ROS1: variants seen among roughly 807,000 people sequenced by gnomAD.
The protein encoded by ROS1 is ROS proto-oncogene 1, receptor tyrosine kinase, also known as proto-oncogene tyrosine-protein kinase ROS.
In ROS1, 263 loss-of-function variants were observed where a neutral mutation model predicts 273.5. The ratio of observed to expected loss-of-function variants is 0.96; its 90% CI spans 0.87 to 1.06. The LOEUF is 1.06. Ranked by LOEUF, ROS1 falls within the 50% of genes least tolerant of loss-of-function variation. The probability of loss-of-function intolerance (pLI) is 0.00; values close to 1 mark genes in which losing one functional copy is unlikely to be tolerated. For missense variants in ROS1, 2,833 were observed against 2,751.1 expected, an observed-to-expected ratio of 1.03 and a Z score of -0.67; for synonymous variants, 1,008 against 954.1, an observed-to-expected ratio of 1.06 and a Z score of -1.04.
At chr6:117,299,338 C>T (rs1487506464) in intron 43 of ROS1, 2 of 152,190 alleles carry the variant, frequency 1.3e-5, no homozygotes, top group Non-Finnish European at 2.9e-5. Flanking sequence ...TGCTATTAGT[C>T]AAGTGCATCA....
In ROS1 at chr6:117,365,173, A is replaced by G. The variant is rs770304963; in HGVS notation, c.2990T>C (p.Val997Ala). ...AGGTTCCAGTCCTTCCACAGTAAAT[A>G]CAGGTAAAGAGTGTTGTTCACTAGC... ...FLASEQHSLP[V>A]FTVEGLEPYA... The change falls in exon 21 of 44, where the codon GTA becomes GCA. Residue 997 changes from valine (V) to alanine (A), a missense_variant. Physicochemically the swap from Val to Ala is moderately conservative, Grantham distance 64 (BLOSUM62 0). Transcript: ENST00000368507. 9 of 1,612,144 alleles carry G rather than the reference A, an allele frequency of 5.6e-6. No individual in the cohort carries two copies. The East Asian group carries it at 2.0e-4, about 36-fold the overall frequency.
intron 7 of ROS1, among the ~76,000 whole-genome samples, chr6:117,399,877 T>C (rs1040682856): frequency 1.3e-4 from 20 of 152,244 alleles, no homozygotes; most frequent in African/African-American, 4.6e-4. Flanking sequence ...ACTCATTCTC[T>C]CAATCTATTC....
intron 43 of ROS1, 21 bp downstream of exon 43, chr6:117,300,953 A>G (rs1431025106): frequency 2.6e-6 from 4 of 1,532,930 alleles, no homozygotes; most frequent in Non-Finnish European, 3.5e-6. Flanking sequence ...AAACTAGAAA[A>G]TTCTGAAGAA....
chr6:117,366,014 C>T (rs1780191799), intron 19 of ROS1, 62 bp downstream of exon 19: 1 of 1,352,632 alleles, frequency 7.4e-7, no homozygotes, highest in Non-Finnish European at 1.0e-6. Context: ...AATATCCCAA[C>T]CTAAACATTT....
chr6:117,315,591 T>A (rs994497547), intron 39 of ROS1, among the ~76,000 whole-genome samples: 1 of 152,104 alleles, frequency 6.6e-6, no homozygotes, highest in African/African-American at 2.4e-5. Context: ...GTTTTCAACC[T>A]AAAAGTCCAA....
Position 117,401,026 on chromosome 6 carries a change from G to A in ROS1, c.604+2113C>T, listed in dbSNP as rs1582854561. 3.3e-5 allele frequency among the ~76,000 whole-genome samples: 5 copies of A among 152,282 alleles called. 1 individual carries two copies. On this transcript the variant is annotated intron_variant, in intron 7 of 43. Coordinates refer to ENST00000368507, the MANE Select transcript of ROS1 (RefSeq NM_001378902.1). ...CCACTCCTCCTTTACCCTTGTCCCT[G>A]TCTCAGTAAATGATGACATTCAGGT... is the stretch of plus-strand genomic sequence containing the variant.
chr6:117,317,463 G>A lies in ROS1; in HGVS notation c.5988-191C>T, dbSNP rs181321647. On this transcript the variant is annotated intron_variant, in intron 38 of 43. Coordinates refer to ENST00000368507, the MANE Select transcript of ROS1 (RefSeq NM_001378902.1). ...AAGAGGTAATATGGCAACCCCTAGT[G>A]GCCATGAGTATGGATAAAATAGGTT... 2.0e-5 allele frequency among the ~76,000 whole-genome samples: 3 copies of A among 152,194 alleles called. No homozygotes were observed. The East Asian group carries it at 5.8e-4, about 29-fold the overall frequency.
chr6:117,368,272 A>G (rs1188872635), intron 18 of ROS1, among the ~76,000 whole-genome samples: 1 of 152,120 alleles, frequency 6.6e-6, no homozygotes, highest in Non-Finnish European at 1.5e-5. Flanking sequence ...TTTTGGAGTG[A>G]TAGTTTGATT....
chr6:117,288,795 A>G lies in ROS1; in HGVS notation c.6723T>C (p.Asp2241=), dbSNP rs2128521408. The change falls in exon 44 of 44, where the codon GAT becomes GAC. Residue 2241 remains aspartate (D), a synonymous_variant. Coordinates refer to ENST00000368507, the MANE Select transcript of ROS1 (RefSeq NM_001378902.1). ...CTGAATTCAAACAAATCACATCGCC[A>G]TCTTCACCTGTGAAAAAAATATGAA... is the stretch of plus-strand genomic sequence containing the variant. ...GVINESFEGE[D]GDVICLNSDD... The G allele has an allele frequency of 2.5e-6, 4 of 1,588,536 alleles. No homozygotes were observed. The highest frequency in any genetic ancestry group is 3.4e-6 in the Non-Finnish European group (4 of 1,169,490).
At chr6:117,416,117 GT>G (rs1310659491) in intron 3 of ROS1, 140 bp downstream of exon 3, 3 of 632,592 alleles carry the variant, frequency 4.7e-6, no homozygotes, top group Non-Finnish European at 8.6e-6. Context: ...CAGGCTATTG[GT>G]TTTTTAGTTT....
At chr6:117,331,194 T>C (rs1777054140) in intron 32 of ROS1, among the ~76,000 whole-genome samples, 1 of 152,134 alleles carries the variant, frequency 6.6e-6, no homozygotes, top group South Asian at 2.1e-4. Context: ...TCGTGAAGCA[T>C]ACACAAGTGT....
rs780146524 is a variant in ROS1 at position 117,365,670 on chromosome 6, C to T, written c.2869G>A (p.Ala957Thr). ...QESSFRIEGNASSFQILWNGP... is the reference protein window; with the variant it reads ...QESSFRIEGNTSSFQILWNGP... Reference sequence around the variant, plus strand: ...TTCCACAGGATTTGAAAACTTGAAGCATTTCCTTCAATCCTAAATGAAGAC... The same window carrying T: ...TTCCACAGGATTTGAAAACTTGAAGTATTTCCTTCAATCCTAAATGAAGAC... Residue 957 changes from alanine to threonine, a missense_variant, in exon 20 of 44, where the codon GCT becomes ACT. By Grantham distance (58) the Ala-to-Thr change is moderately conservative (BLOSUM62 0). Coordinates refer to ENST00000368507, the MANE Select transcript of ROS1 (RefSeq NM_001378902.1). 8 of 1,611,658 alleles carry T rather than the reference C, an allele frequency of 5.0e-6. No homozygotes were observed. In the South Asian group the frequency reaches 8.8e-5, roughly 18 times the overall value.
chr6:117,402,973 G>C (rs1774073175), intron 7 of ROS1, among the ~76,000 whole-genome samples, 166 bp downstream of exon 7: 1 of 152,110 alleles, frequency 6.6e-6, no homozygotes, highest in African/African-American at 2.4e-5. Context: ...GATCATAAAG[G>C]TATTGTGAGT....
chr6:117,310,160 C>T lies in ROS1; in HGVS notation c.6337G>A (p.Gly2113Arg). The change falls in exon 41 of 44, where the codon GGG becomes AGG. Residue 2113 changes from glycine (G) to arginine (R), a missense_variant. Coordinates refer to ENST00000368507, the MANE Select transcript of ROS1 (RefSeq NM_001378902.1). ...CACCGAACTGGGAGCAGGCCTTCCCCTCTCTTTCTATAGTAATCATTTTTA... is the reference window on the plus strand; with the variant it reads ...CACCGAACTGGGAGCAGGCCTTCCCTTCTCTTTCTATAGTAATCATTTTTA... The part of the protein sequence containing the change: ...IYKNDYYRKR[G>R]EGLLPVRWMA... 6.2e-7 allele frequency: 1 copy of T among 1,613,490 alleles called. No individual in the cohort carries two copies. Among genetic ancestry groups the T allele is most frequent in the East Asian group, 2.2e-5 (1 of 44,846 alleles).
intron 1 of ROS1, among the ~76,000 whole-genome samples, chr6:117,423,035 A>G (rs979350326): frequency 3.3e-5 from 5 of 152,158 alleles, no homozygotes; most frequent in South Asian, 2.1e-4. Context: ...CAAAAAAAAA[A>G]GGGGGTTTGT....
intron 4 of ROS1, among the ~76,000 whole-genome samples, chr6:117,412,988 T>C (rs1213520486): frequency 6.6e-6 from 1 of 152,152 alleles, no homozygotes; most frequent in Non-Finnish European, 1.5e-5. Context: ...GACCTTTGTC[T>C]CTTTACATAT....
At chr6:117,302,339 T>C (rs1235190943) in intron 42 of ROS1, among the ~76,000 whole-genome samples, 3 of 152,242 alleles carry the variant, frequency 2.0e-5, no homozygotes, top group African/African-American at 4.8e-5. Flanking sequence ...TGTCAGGATA[T>C]ATGTTGAGTA....
At chr6:117,336,649 C>T (rs1777502694) in intron 32 of ROS1, among the ~76,000 whole-genome samples, 1 of 152,060 alleles carries the variant, frequency 6.6e-6, no homozygotes, top group Admixed American at 6.6e-5. Flanking sequence ...GTGCATGTAT[C>T]TTTGTAATAG....
At chr6:117,403,322 C>T in intron 6 of ROS1, 45 bp from the exon 7 acceptor site, 1 of 1,585,038 alleles carries the variant, frequency 6.3e-7, no homozygotes. Context: ...GAATCAGCAC[C>T]CCACATTGGG....
Sources: allele counts gnomAD v4.1 joint callset (sites outside exome capture counted in the v4.1 genomes callset), GRCh38; gene constraint gnomAD v4.1.1; transcripts MANE v1.5; gene names NCBI Gene and HGNC (gene_info 2026-07-23, HGNC 2026-07-21).